Variants in NDNF observed in about 807,000 individuals in gnomAD.
The protein encoded by NDNF is neuron derived neurotrophic factor, also known as protein NDNF.
A neutral mutation model predicts 42.0 loss-of-function variants in NDNF; 16 were observed. The ratio of observed to expected loss-of-function variants is 0.38; its 90% CI spans 0.26 to 0.58. The LOEUF (loss-of-function observed/expected upper bound fraction) is 0.58, where lower values mean the gene tolerates loss of function less well. Ranked by LOEUF, NDNF falls within the 20% of genes least tolerant of loss-of-function variation. The probability of loss-of-function intolerance (pLI) is 0.67; values close to 1 mark genes in which losing one functional copy is unlikely to be tolerated. For synonymous variants in NDNF, 248 were observed against 251.7 expected (o/e 0.99, Z 0.14); for missense variants, 616 against 666.2 (o/e 0.92, Z 0.83).
intron 3 of NDNF, among the ~76,000 whole-genome samples, chr4:121,039,175 AC>A (rs1334134234): frequency 0.028 from 415 of 14,936 alleles, 17 homozygotes; most frequent in Non-Finnish European, 0.066. Flanking sequence ...ATATATAAAG[AC>A]TATGTGTGTG....
chr4:121,039,188 GTGTGTA>G lies in NDNF; in HGVS notation c.313+736_313+741del, dbSNP rs1291783866. Among the ~76,000 whole-genome samples the G allele has an allele frequency of 7.6e-3, 507 of 66,480 alleles. 5 individuals are homozygous for G. Among genetic ancestry groups the G allele is most frequent in the African/African-American group, 0.035 (457 of 13,006 alleles). The allele number at this position is 66,480 out of a possible 152,430, so 43.6% of individuals were successfully genotyped here. On this transcript the variant is annotated intron_variant, in intron 3 of 3. Transcript: ENST00000379692. ...ATATATATAAAGACTATGTGTGTGT[GTGTGTA>G]TATATATATATATATATATATATAT...
chr4:121,058,028 T>A (rs552285568), intron 1 of NDNF, among the ~76,000 whole-genome samples: 2 of 152,350 alleles, frequency 1.3e-5, no homozygotes, highest in South Asian at 4.1e-4. Context: ...TAGTTATTTT[T>A]TTATTTTTCT....
chr4:121,042,518 A>T (rs1485869462), intron 2 of NDNF, among the ~76,000 whole-genome samples: 2 of 152,202 alleles, frequency 1.3e-5, no homozygotes, highest in African/African-American at 4.8e-5. Context: ...TAGATGATTG[A>T]ATTGTTTACT....
chr4:121,039,410 TACTA>T (rs1726956884), intron 3 of NDNF, among the ~76,000 whole-genome samples: 1 of 151,616 alleles, frequency 6.6e-6, no homozygotes, highest in African/African-American at 2.4e-5. Flanking sequence ...CCACTCATCC[TACTA>T]ACTTTGTTTT....
intron 1 of NDNF, among the ~76,000 whole-genome samples, chr4:121,046,752 T>TG (rs1159231365): frequency 1.8e-4 from 28 of 152,350 alleles, no homozygotes; most frequent in African/African-American, 5.3e-4. Flanking sequence ...CTCTAAGTAA[T>TG]GATGGATCAT....
intron 1 of NDNF, among the ~76,000 whole-genome samples, chr4:121,060,689 C>A (rs1200077190): frequency 6.6e-6 from 1 of 152,082 alleles, no homozygotes; most frequent in Non-Finnish European, 1.5e-5. Flanking sequence ...TTTATTACTA[C>A]TACAGAATAA....
In NDNF at chr4:121,066,030, G is replaced by T. The variant is rs557813767; in HGVS notation, c.-2+5963C>A. Among the ~76,000 whole-genome samples the T allele has an allele frequency of 2.0e-5, 3 of 152,206 alleles. No individual in the cohort carries two copies. The South Asian group carries it at 6.2e-4, about 32-fold the overall frequency. ...TTCAGGTAGTGTTTTGGTACCCTGA[G>T]AGGCCCTGGGAGCAGGGTGGCTTCC... On this transcript the variant is annotated intron_variant, in intron 1 of 3. Transcript: ENST00000379692.
At chr4:121,055,008 T>TTA (rs1553924991) in intron 1 of NDNF, among the ~76,000 whole-genome samples, 1 of 151,750 alleles carries the variant, frequency 6.6e-6, no homozygotes, top group Admixed American at 6.6e-5. Flanking sequence ...TTTTTTTTTT[T>TTA]ATTTTTGTAT....
chr4:121,072,260 GGGAGCCGCGCGGGGCTGGGGAATCCC>G lies in NDNF; in HGVS notation c.-295_-270del, dbSNP rs878874359. 6.5e-6 allele frequency: 1 copy of G among 152,908 alleles called. No individual in the cohort carries two copies. The highest frequency in any genetic ancestry group is 2.1e-4 in the South Asian group (1 of 4,858). 9.5% of individuals were successfully genotyped at this position (152,908 alleles called of 1,614,324 possible). A position where few individuals can be genotyped will look rare whatever the true frequency, so the allele number is the denominator to read the frequency against. The stretch of plus-strand genomic sequence containing the variant: ...GCCGAAGTTGCTGCGAAGTGGAGTA[GGGAGCCGCGCGGGGCTGGGGAATCCC>G]GGGGCAGCGCCGAGAAGCGGCGGGA... On this transcript the variant is annotated 5_prime_UTR_variant, in exon 1 of 4. Transcript: ENST00000379692.
chr4:121,054,111 A>G (rs1387442451), intron 1 of NDNF, among the ~76,000 whole-genome samples: 1 of 152,200 alleles, frequency 6.6e-6, no homozygotes, highest in Admixed American at 6.5e-5. Flanking sequence ...TCAGTAAGTC[A>G]CTCCATGGAT....
At chr4:121,059,787 G>T (rs2148770379) in intron 1 of NDNF, among the ~76,000 whole-genome samples, 1 of 152,302 alleles carries the variant, frequency 6.6e-6, no homozygotes, top group South Asian at 2.1e-4. Context: ...TGAAGATTCA[G>T]GTTCAACAGG....
At chr4:121,055,015 G>A (rs1212945722) in intron 1 of NDNF, among the ~76,000 whole-genome samples, 1 of 150,138 alleles carries the variant, frequency 6.7e-6, no homozygotes, top group Non-Finnish European at 1.5e-5. Flanking sequence ...TTTTATTTTT[G>A]TATAGAAGGG....
intron 1 of NDNF, among the ~76,000 whole-genome samples, chr4:121,049,577 T>C (rs772416198): frequency 3.2e-4 from 48 of 152,316 alleles, no homozygotes; most frequent in Middle Eastern, 3.4e-3. Context: ...CATGAAACTA[T>C]GACAGACTAA....
chr4:121,039,923 T>C lies in NDNF; in HGVS notation c.313+7A>G. ...AGGTCCAGGGGCAGATCTATCCTGC[T>C]GCTTACCTGAGCCTTCCCCGCTCCT... is the stretch of plus-strand genomic sequence containing the variant. On this transcript the variant is annotated splice_region_variant and intron_variant, in intron 3 of 3. Transcript: ENST00000379692. The C allele has an allele frequency of 6.2e-7, 1 of 1,612,300 alleles. No homozygotes were observed. Among genetic ancestry groups the C allele is most frequent in the Non-Finnish European group, 8.5e-7 (1 of 1,179,192 alleles).
At chr4:121,048,200 C>T (rs973565179) in intron 1 of NDNF, among the ~76,000 whole-genome samples, 1 of 152,148 alleles carries the variant, frequency 6.6e-6, no homozygotes, top group African/African-American at 2.4e-5. Flanking sequence ...TGAGAACAGA[C>T]GAGGCCAAAT....
chr4:121,037,665 A>G lies in NDNF; in HGVS notation c.314-8T>C, dbSNP rs886404012. On this transcript the variant is annotated splice_region_variant and splice_polypyrimidine_tract_variant and intron_variant, in intron 3 of 3. Transcript: ENST00000379692. ...CAAGAGGTTCCAGATCACCTAGAAAATACAGGAGAAGCACAGGCTACTGTC... is the reference window on the plus strand; with the variant it reads ...CAAGAGGTTCCAGATCACCTAGAAAGTACAGGAGAAGCACAGGCTACTGTC... 3 of 1,561,508 alleles carry G rather than the reference A, an allele frequency of 1.9e-6. No homozygotes were observed. Among genetic ancestry groups the G allele is most frequent in the Non-Finnish European group, 1.7e-6 (2 of 1,160,484 alleles).
chr4:121,062,808 T>C (rs1438652316), intron 1 of NDNF, among the ~76,000 whole-genome samples: 2 of 152,186 alleles, frequency 1.3e-5, no homozygotes, highest in Admixed American at 6.5e-5. Flanking sequence ...TTACACAAGA[T>C]AGAGCCTGCC....
chr4:121,065,516 G>A (rs2148772656), intron 1 of NDNF, among the ~76,000 whole-genome samples: 1 of 151,692 alleles, frequency 6.6e-6, no homozygotes, highest in Admixed American at 6.6e-5. Context: ...AATATTCACT[G>A]GGTCTAACCT....
chr4:121,061,320 G>C (rs1439081059), intron 1 of NDNF: 1 of 152,638 alleles, frequency 6.6e-6, no homozygotes, highest in Admixed American at 6.5e-5. Context: ...TCCTTCATCG[G>C]GGATGGTCAT....
Sources: allele counts gnomAD v4.1 joint callset (sites outside exome capture counted in the v4.1 genomes callset), GRCh38; gene constraint gnomAD v4.1.1; transcripts MANE v1.5; gene names NCBI Gene and HGNC (gene_info 2026-07-23, HGNC 2026-07-21).